Variants in PCID2 observed in about 807,000 individuals in gnomAD.
The protein encoded by PCID2 is PCI domain containing 2, also known as PCI domain-containing protein 2.
In PCID2, 41 loss-of-function variants were observed where a neutral mutation model predicts 61.3. The observed-to-expected ratio is 0.67, with a 90% CI of 0.52 to 0.87. The LOEUF is 0.87. Ranked by LOEUF, PCID2 falls within the 40% of genes least tolerant of loss-of-function variation. PCID2 has a pLI of 0.00. For missense variants in PCID2, 392 were observed against 493.4 expected (o/e 0.79, Z 1.95); for synonymous variants, 187 against 177.8 (o/e 1.05, Z -0.41).
chr13:113,184,255 G>A, intron 9 of PCID2, 91 bp downstream of exon 9: 1 of 1,163,598 alleles, frequency 8.6e-7, no homozygotes, highest in South Asian at 1.3e-5. Flanking sequence ...ATAAAATACA[G>A]TAATTGTGTT....
At chr13:113,187,257 T>C (rs1470632377) in intron 7 of PCID2, 3 of 152,170 alleles carry the variant, frequency 2.0e-5, no homozygotes, top group African/African-American at 7.2e-5. Context: ...AATGATGACC[T>C]CTATTGGAGA....
the PCID2 span, chr13:113,166,236 T>A: frequency 6.6e-6 from 1 of 152,380 alleles, no homozygotes; most frequent in East Asian, 1.9e-4. Context: ...ATTTGGATAT[T>A]TAACCCAATA....
chr13:113,178,231 C>A lies in PCID2; in HGVS notation c.1167G>T (p.Gln389His). ...HQHQKLVVSK[Q>H]NPFPPLSTVC ...CCGTGGACAGGGGAGGAAATGGGTT[C>A]TGCTTGCTGACCACCAGCTTCTGAT... Residue 389 changes from glutamine to histidine, a missense_variant, in exon 14 of 14, where the codon CAG becomes CAT. Gln to His is a conservative substitution (Grantham distance 24, BLOSUM62 0). Coordinates refer to ENST00000337344, the MANE Select transcript of PCID2 (RefSeq NM_001127202.4). The A allele has an allele frequency of 6.2e-7, 1 of 1,613,828 alleles. No homozygotes were observed. Among genetic ancestry groups the A allele is most frequent in the Non-Finnish European group, 8.5e-7 (1 of 1,179,796 alleles).
chr13:113,202,448 C>G (rs1015369009), intron 1 of PCID2, among the ~76,000 whole-genome samples: 1 of 152,196 alleles, frequency 6.6e-6, no homozygotes, highest in Non-Finnish European at 1.5e-5. Flanking sequence ...TACATGTAAT[C>G]ACAAAATATT....
intron 1 of PCID2, chr13:113,208,128 G>A (rs537025038): frequency 1.2e-6 from 2 of 1,607,818 alleles, no homozygotes; most frequent in Admixed American, 1.7e-5. Flanking sequence ...CGAGGGGCAC[G>A]AGCCCGGCCT....
chr13:113,189,393 G>A (rs1009984393), intron 7 of PCID2, among the ~76,000 whole-genome samples: 7 of 150,450 alleles, frequency 4.7e-5, no homozygotes, highest in Non-Finnish European at 8.8e-5. Flanking sequence ...CCCAGCCTCA[G>A]GTATTCCCCT....
intron 9 of PCID2, among the ~76,000 whole-genome samples, chr13:113,182,664 C>A (rs1471384643): frequency 6.6e-6 from 1 of 152,094 alleles, no homozygotes; most frequent in Non-Finnish European, 1.5e-5. Context: ...CGTTGCCCAG[C>A]TAATTTTTTG....
downstream of PCID2, among the ~76,000 whole-genome samples, chr13:113,172,611 G>A (rs563238840): frequency 6.9e-4 from 105 of 152,330 alleles, no homozygotes; most frequent in Non-Finnish European, 8.8e-5. Flanking sequence ...GGCAATGGAG[G>A]AGAATGACCC....
chr13:113,173,999 C>T (rs1224524010), downstream of PCID2, among the ~76,000 whole-genome samples: 2 of 151,534 alleles, frequency 1.3e-5, no homozygotes, highest in African/African-American at 4.9e-5. Flanking sequence ...GAGGCTGAGG[C>T]GGGCGGATCA....
chr13:113,189,732 AAG>A (rs1491051931), intron 7 of PCID2, among the ~76,000 whole-genome samples: 2 of 151,654 alleles, frequency 1.3e-5, no homozygotes, highest in African/African-American at 4.8e-5. Flanking sequence ...AAAAAAAAAA[AAG>A]GATTGAGGTC....
the PCID2 span, chr13:113,171,501 C>T: frequency 6.5e-7 from 1 of 1,539,444 alleles, no homozygotes; most frequent in Admixed American, 1.8e-5. The surrounding 1 kb of genome is among the most constrained non-coding windows in gnomAD (Gnocchi z 5.1). Context: ...GCCGGTCTCT[C>T]CCTCCTCACG....
chr13:113,176,523 A>T (rs2037190069), downstream of PCID2, among the ~76,000 whole-genome samples: 2 of 152,398 alleles, frequency 1.3e-5, no homozygotes, highest in Non-Finnish European at 1.5e-5. Flanking sequence ...GCACTTTGGG[A>T]GGCCGAGGTG....
At chr13:113,200,019 T>C (rs1475649531) in intron 2 of PCID2, among the ~76,000 whole-genome samples, 3 of 152,244 alleles carry the variant, frequency 2.0e-5, no homozygotes, top group Admixed American at 6.5e-5. Context: ...ACAGATGACA[T>C]GGAAACTCCA....
Position 113,207,616 on chromosome 13 carries a change from C to T in PCID2, c.36+983G>A, listed in dbSNP as rs541593084. On this transcript the variant is annotated intron_variant, in intron 1 of 13. Transcript: ENST00000337344. ...TTAAGTTAAAAACATACATCCATTT[C>T]TTCGTGATTCCTGTTTTAACCAGTT... 3.3e-5 allele frequency among the ~76,000 whole-genome samples: 5 copies of T among 152,304 alleles called. No homozygotes were observed. In the East Asian group the frequency reaches 5.8e-4, roughly 18 times the overall value.
intron 1 of PCID2, 183 bp downstream of exon 1, chr13:113,208,416 C>CG: frequency 6.7e-7 from 1 of 1,485,156 alleles, no homozygotes; most frequent in South Asian, 1.3e-5. Flanking sequence ...GGGGAGAACT[C>CG]GGGCCGCCTT....
the PCID2 span, among the ~76,000 whole-genome samples, chr13:113,166,732 C>T: frequency 6.6e-6 from 1 of 152,204 alleles, no homozygotes; most frequent in Non-Finnish European, 1.5e-5. Flanking sequence ...TTCTTCCTAT[C>T]GCTGTCTGCC....
At chr13:113,197,874 T>C (rs1433564424) in intron 3 of PCID2, among the ~76,000 whole-genome samples, 1 of 152,238 alleles carries the variant, frequency 6.6e-6, no homozygotes, top group Non-Finnish European at 1.5e-5. Context: ...CTCTAATTTC[T>C]TTCCCAGTAA....
intron 7 of PCID2, among the ~76,000 whole-genome samples, chr13:113,189,715 A>T (rs1329408443): frequency 6.4e-5 from 3 of 46,774 alleles, no homozygotes; most frequent in Non-Finnish European, 1.4e-4. Flanking sequence ...AAAATGAAGG[A>T]GAGGAAAAAA....
rs1251141831 is a variant in PCID2, at chr13:113,196,227, T to C, written c.267-5A>G. 3 of 1,595,104 alleles carry C rather than the reference T, an allele frequency of 1.9e-6. No individual in the cohort carries two copies. Among genetic ancestry groups the C allele is most frequent in the East Asian group, 2.2e-5 (1 of 44,728 alleles). On this transcript the variant is annotated splice_polypyrimidine_tract_variant and splice_region_variant and intron_variant, in intron 4 of 13. Coordinates refer to ENST00000337344, the MANE Select transcript of PCID2 (RefSeq NM_001127202.4). ...TGGAATGCTCGCAAGAATGATGTAC[T>C]GTATTAAGGAAGATATGGCATACAA... is the stretch of plus-strand genomic sequence containing the variant.
Sources: gnomAD v4.1 joint callset for allele counts (sites outside exome capture counted in the v4.1 genomes callset) on GRCh38, gnomAD v4.1.1 for gene constraint, Gnocchi (gnomAD v3.1) non-coding constraint, MANE v1.5 for transcripts, NCBI Gene and HGNC (gene_info 2026-07-23, HGNC 2026-07-21) for gene names.